AEN: variants seen among roughly 807,000 people sequenced by gnomAD.
AEN encodes apoptosis enhancing nuclease.
AEN carries 21 observed loss-of-function variants against 17.7 expected under a neutral mutation model. The ratio of observed to expected loss-of-function variants is 1.19; its 90% CI spans 0.84 to 1.71. The LOEUF (loss-of-function observed/expected upper bound fraction) is 1.71. Among genes scored for constraint, AEN ranks in the 40% most tolerant of loss-of-function variants. The pLI is 0.00. For missense variants in AEN, 462 were observed against 435.9 expected, an observed-to-expected ratio of 1.06 and a Z score of -0.53; for synonymous variants, 190 against 173.0, an observed-to-expected ratio of 1.10 and a Z score of -0.77.
At position 88,630,680 on chromosome 15, in the gene AEN, C is replaced by A; in HGVS notation, c.*386C>A. On this transcript the variant is annotated 3_prime_UTR_variant, in exon 4 of 4. Transcript: ENST00000332810. This position sits in a 1 kb window ranked among gnomAD's most constrained non-coding sequence, Gnocchi z 5.1. ...GCTGTGCTAATGAAAGGGATCATAT[C>A]ATCCTCTCTGGGGATGGTGGGTGGG... 1 of 247,800 alleles carries A rather than the reference C, an allele frequency of 4.0e-6. No homozygotes were observed. Among genetic ancestry groups the A allele is most frequent in the Non-Finnish European group, 8.1e-6 (1 of 122,906 alleles). The allele number at this position is 247,800 out of a possible 1,614,324, so 15.4% of individuals were successfully genotyped here. A position where few individuals can be genotyped will look rare whatever the true frequency, so the allele number is the denominator to read the frequency against.
chr15:88,621,609 G>A (rs1300465052), intron 1 of AEN: 1 of 152,272 alleles, frequency 6.6e-6, no homozygotes, highest in Non-Finnish European at 1.5e-5. Context: ...GCTGGTCGTT[G>A]GGACTCGGCC....
chr15:88,628,072 G>A (rs916179262), intron 2 of AEN: 2 of 152,270 alleles, frequency 1.3e-5, no homozygotes, highest in African/African-American at 2.4e-5. Context: ...AGCAACAAGA[G>A]GGGAGGTGTG....
chr15:88,619,391 C>G (rs1254409377), upstream of AEN, among the ~76,000 whole-genome samples: 1 of 152,128 alleles, frequency 6.6e-6, no homozygotes, highest in Non-Finnish European at 1.5e-5. Context: ...GATATTGACT[C>G]TCTTAAAACT....
chr15:88,629,645 C>A (rs2057902012), intron 3 of AEN, among the ~76,000 whole-genome samples: 1 of 152,150 alleles, frequency 6.6e-6, no homozygotes, highest in South Asian at 2.1e-4. Flanking sequence ...TGCGATTCTC[C>A]CAGAACACAT....
chr15:88,606,144 G>A, the AEN span, among the ~76,000 whole-genome samples: 1 of 152,210 alleles, frequency 6.6e-6, no homozygotes, highest in African/African-American at 2.4e-5. Flanking sequence ...AGGATCTACT[G>A]TGAGCCCCAG....
At chr15:88,618,413 G>A (rs2057756094), upstream of AEN, among the ~76,000 whole-genome samples, 1 of 152,106 alleles carries the variant, frequency 6.6e-6, no homozygotes. Flanking sequence ...GAGGTTCTAA[G>A]GGTTAATTTT....
chr15:88,607,470 G>C, the AEN span, among the ~76,000 whole-genome samples: 2 of 152,208 alleles, frequency 1.3e-5, no homozygotes, highest in Non-Finnish European at 2.9e-5. Flanking sequence ...TCGCTAGCAA[G>C]TTACCAGAAC....
chr15:88,619,966 A>G (rs935137739), upstream of AEN, among the ~76,000 whole-genome samples: 1 of 152,174 alleles, frequency 6.6e-6, no homozygotes, highest in African/African-American at 2.4e-5. Flanking sequence ...TGCTGCAGCC[A>G]GAACAAGTTT....
chr15:88,606,293 G>A, the AEN span, among the ~76,000 whole-genome samples: 1 of 152,090 alleles, frequency 6.6e-6, no homozygotes, highest in Non-Finnish European at 1.5e-5. Context: ...TGAGTGAAAG[G>A]GAAAGAGTGG....
chr15:88,615,900 C>CTGTGTACCATTCTGTA, the AEN span, among the ~76,000 whole-genome samples: 1 of 152,130 alleles, frequency 6.6e-6, no homozygotes, highest in Non-Finnish European at 1.5e-5. Flanking sequence ...GAATGGCACT[C>CTGTGTACCATTCTGTA]TGACTGTAGC....
upstream of AEN, among the ~76,000 whole-genome samples, chr15:88,619,661 C>T (rs909375072): frequency 6.6e-6 from 1 of 152,146 alleles, no homozygotes; most frequent in Non-Finnish European, 1.5e-5. Context: ...GCATTCCAGC[C>T]TGGGTGACAG....
chr15:88,626,577 G>C lies in AEN; in HGVS notation c.368G>C (p.Arg123Pro). Residue 123 changes from arginine (R) to proline (P), a missense_variant, in exon 2 of 4, where the codon CGA becomes CCA. Coordinates refer to ENST00000332810, the MANE Select transcript of AEN (RefSeq NM_022767.4). The part of the protein sequence containing the change: ...IDCEMVGTGP[R>P]GRVSELARCS... ...TGTGAGATGGTGGGCACGGGACCCC[G>C]AGGGCGGGTAAGCGAGCTGGCCCGC... 6.2e-7 allele frequency: 1 copy of C among 1,614,164 alleles called. No homozygotes were observed. Among genetic ancestry groups the C allele is most frequent in the Non-Finnish European group, 8.5e-7 (1 of 1,180,044 alleles).
upstream of AEN, among the ~76,000 whole-genome samples, chr15:88,620,480 T>A (rs2057773558): frequency 1.3e-5 from 2 of 152,044 alleles, no homozygotes; most frequent in Admixed American, 1.3e-4. Flanking sequence ...AATGGCGCGA[T>A]CTCGGCTCAC....
At chr15:88,626,968 TGTAGAAAGG>T in intron 2 of AEN, 2 of 581,264 alleles carry the variant, frequency 3.4e-6, no homozygotes, top group South Asian at 2.1e-5. Flanking sequence ...CACAGGACAA[TGTAGAAAGG>T]CTACACCAAC....
chr15:88,612,190 TC>T, the AEN span, among the ~76,000 whole-genome samples: 1 of 151,918 alleles, frequency 6.6e-6, no homozygotes, highest in South Asian at 2.1e-4. Flanking sequence ...AATTACTAAT[TC>T]CCCCAACAAT....
rs935844940 is a variant in AEN at position 88,626,070 on chromosome 15, C to A, written c.-64-76C>A. ...CGGGCATCCCCACCGTGGTGCACTG[C>A]AGGGAGGGAGGGAGGGTGGGTGGGC... is the stretch of plus-strand genomic sequence containing the variant. On this transcript the variant is annotated intron_variant, in intron 1 of 3. Transcript: ENST00000332810. 2.1e-5 allele frequency: 18 copies of A among 874,130 alleles called. No individual in the cohort carries two copies. In the African/African-American group the frequency reaches 4.9e-4, roughly 24 times the overall value. The allele number at this position is 874,130 out of a possible 1,614,324, so 54.1% of individuals were successfully genotyped here. A position where few individuals can be genotyped will look rare whatever the true frequency, so the allele number is the denominator to read the frequency against.
intron 2 of AEN, 57 bp downstream of exon 2, chr15:88,626,806 C>T: frequency 1.3e-6 from 2 of 1,540,238 alleles, no homozygotes; most frequent in Non-Finnish European, 8.7e-7. Context: ...AAGAGCCACC[C>T]TGGGTTTGAA....
the AEN span, among the ~76,000 whole-genome samples, chr15:88,608,697 T>G: frequency 1.2e-3 from 179 of 152,376 alleles, 1 homozygote; most frequent in Middle Eastern, 0.01. Context: ...GATTTTTATT[T>G]GTCTGTTTTT....
rs3826038 is a variant in AEN, at chr15:88,630,426, A to G, written c.*132A>G. The G allele has an allele frequency of 4.8e-4, 373 of 780,954 alleles. No homozygotes were observed. In the African/African-American group the frequency reaches 5.9e-3, roughly 12 times the overall value. 48.4% of individuals were successfully genotyped at this position (780,954 alleles called of 1,614,324 possible). A position where few individuals can be genotyped will look rare whatever the true frequency, so the allele number is the denominator to read the frequency against. Reference sequence around the variant, plus strand: ...GAGCCAGCCCCAGGGCCAGAGGAGTAGGGGTCATCTGTTACCTTGACACCC... The same window carrying G: ...GAGCCAGCCCCAGGGCCAGAGGAGTGGGGGTCATCTGTTACCTTGACACCC... On this transcript the variant is annotated 3_prime_UTR_variant, in exon 4 of 4. Coordinates refer to ENST00000332810, the MANE Select transcript of AEN (RefSeq NM_022767.4). This position sits in a 1 kb window ranked among gnomAD's most constrained non-coding sequence, Gnocchi z 5.1.
Sources: allele counts gnomAD v4.1 joint callset (sites outside exome capture counted in the v4.1 genomes callset), GRCh38; gene constraint gnomAD v4.1.1; non-coding constraint Gnocchi (gnomAD v3.1); transcripts MANE v1.5; gene names NCBI Gene and HGNC (gene_info 2026-07-23, HGNC 2026-07-21).